The following FER1L6 variants were observed in gnomAD, a reference collection of about 807,000 sequenced individuals.
FER1L6 encodes the protein fer-1 like family member 6.
In FER1L6, 177 loss-of-function variants were observed where a neutral mutation model predicts 219.2. The ratio of observed to expected loss-of-function variants is 0.81; its 90% CI spans 0.71 to 0.91. The LOEUF (loss-of-function observed/expected upper bound fraction) is 0.91. Among genes scored for constraint, FER1L6 ranks in the 40% least tolerant of loss-of-function variants. The pLI is 0.00. For missense variants in FER1L6, 2,153 were observed against 2,259.9 expected (o/e 0.95, Z 0.96); for synonymous variants, 768 against 824.3 (o/e 0.93, Z 1.17).
At chr8:124,102,911 A>T (rs1339584516) in intron 38 of FER1L6, among the ~76,000 whole-genome samples, 3 of 152,206 alleles carry the variant, frequency 2.0e-5, no homozygotes. Context: ...AAGAGTTAAA[A>T]CAAGCTCTTC....
At chr8:124,072,183 G>T (rs1254583322) in intron 31 of FER1L6, among the ~76,000 whole-genome samples, 1 of 151,926 alleles carries the variant, frequency 6.6e-6, no homozygotes, top group Non-Finnish European at 1.5e-5. Flanking sequence ...CAGGAAAGAC[G>T]GGGGGAAGGA....
At chr8:123,910,212 A>G (rs1014154596) in intron 1 of FER1L6, among the ~76,000 whole-genome samples, 1 of 152,192 alleles carries the variant, frequency 6.6e-6, no homozygotes, top group Admixed American at 6.5e-5. Context: ...GTATGCCGTC[A>G]TGTGAAAAGA....
chr8:124,077,323 T>C (rs1821334384), intron 32 of FER1L6, among the ~76,000 whole-genome samples: 1 of 152,238 alleles, frequency 6.6e-6, no homozygotes, highest in Admixed American at 6.5e-5. Context: ...ATTGTAGCAA[T>C]GGATACATCT....
At chr8:123,995,612 A>G (rs1817095742) in intron 12 of FER1L6, among the ~76,000 whole-genome samples, 1 of 151,592 alleles carries the variant, frequency 6.6e-6, no homozygotes, top group African/African-American at 2.4e-5. Flanking sequence ...CAAAAAACCA[A>G]TTTTTCATTT....
chr8:123,879,887 A>G (rs550330447), intron 1 of FER1L6, among the ~76,000 whole-genome samples: 1 of 152,232 alleles, frequency 6.6e-6, no homozygotes, highest in East Asian at 1.9e-4. Context: ...CTGTTTGTCC[A>G]TTGGATGCTG....
intron 1 of FER1L6, among the ~76,000 whole-genome samples, chr8:123,883,598 C>T (rs553690378): frequency 3.9e-5 from 6 of 152,266 alleles, no homozygotes; most frequent in Admixed American, 1.3e-4. Context: ...GCTGCTATAA[C>T]AAAATGCTAC....
chr8:124,064,259 G>C (rs1027198698), intron 25 of FER1L6, 88 bp from the exon 26 acceptor site: 3 of 1,012,072 alleles, frequency 3.0e-6, no homozygotes, highest in African/African-American at 3.2e-5. Context: ...ATTTGAATCC[G>C]AATCTGTCTG....
rs79294584 is a variant in FER1L6 at position 123,944,875 on chromosome 8, G to T, written c.-7-11117G>T. On this transcript the variant is annotated intron_variant, in intron 1 of 40. Coordinates refer to ENST00000522917, the MANE Select transcript of FER1L6 (RefSeq NM_001039112.2). ...CCTGTAGGCACAGTTTATCTACTCA[G>T]GGTCTTGGCTCCATCCTTCTCCTTG... Among the ~76,000 whole-genome samples, 82 of 152,256 alleles carry T rather than the reference G, an allele frequency of 5.4e-4. 2 individuals carry two copies. In the East Asian group the frequency reaches 0.015, roughly 29 times the overall value.
intron 15 of FER1L6, among the ~76,000 whole-genome samples, chr8:124,015,607 A>ATATATG (rs1554632087): frequency 0.062 from 5,518 of 88,446 alleles, 436 homozygotes; most frequent in Non-Finnish European, 0.085. Context: ...ATATATATAT[A>ATATATG]TATATATATT....
intron 1 of FER1L6, among the ~76,000 whole-genome samples, chr8:123,882,298 A>G (rs1435121338): frequency 6.6e-6 from 1 of 152,190 alleles, no homozygotes; most frequent in Non-Finnish European, 1.5e-5. Context: ...GAGCAAACCT[A>G]CATGAAGCAC....
chr8:123,985,432 G>C (rs1188361627), intron 11 of FER1L6: 1 of 152,270 alleles, frequency 6.6e-6, no homozygotes, highest in Non-Finnish European at 1.5e-5. Context: ...ATTTGGGGAA[G>C]TAAAGTTTGA....
rs1430738493 is a variant in FER1L6 at position 124,015,954 on chromosome 8, C to G, written c.1923-1674C>G. ...AGCTCAACAGGGCTTCTCCCTCCAT[C>G]TCACCCTTGCCCCTCACCAGGAGAG... On this transcript the variant is annotated intron_variant, in intron 15 of 40. Coordinates refer to ENST00000522917, the MANE Select transcript of FER1L6 (RefSeq NM_001039112.2). 3 of 152,772 alleles carry G rather than the reference C, an allele frequency of 2.0e-5. No homozygotes were observed. In the East Asian group the frequency reaches 5.8e-4, roughly 29 times the overall value. The allele number at this position is 152,772 out of a possible 1,614,324, so 9.5% of individuals were successfully genotyped here.
At chr8:124,013,266 T>G (rs931252073) in intron 14 of FER1L6, among the ~76,000 whole-genome samples, 165 bp from the exon 15 acceptor site, 1 of 152,168 alleles carries the variant, frequency 6.6e-6, no homozygotes, top group Non-Finnish European at 1.5e-5. Flanking sequence ...AAAGTTAGAA[T>G]GCAGTAGCAT....
intron 1 of FER1L6, among the ~76,000 whole-genome samples, chr8:123,861,289 T>G (rs1816740611): frequency 7.7e-6 from 1 of 129,102 alleles, no homozygotes; most frequent in Non-Finnish European, 1.6e-5. Flanking sequence ...ATCAGATAGT[T>G]GTAGGTATGC....
intron 3 of FER1L6, among the ~76,000 whole-genome samples, chr8:123,964,784 T>G (rs1815461629): frequency 6.6e-6 from 1 of 152,226 alleles, no homozygotes; most frequent in Non-Finnish European, 1.5e-5. Context: ...ATCCAACCTC[T>G]GCAGTGAAAT....
intron 19 of FER1L6, among the ~76,000 whole-genome samples, chr8:124,037,653 A>T (rs1292924577): frequency 6.6e-6 from 1 of 152,150 alleles, no homozygotes; most frequent in African/African-American, 2.4e-5. Flanking sequence ...TGGGTCTGAT[A>T]TGGTTGCTGT....
intron 32 of FER1L6, among the ~76,000 whole-genome samples, chr8:124,077,537 G>T (rs1412551246): frequency 2.6e-5 from 4 of 152,198 alleles, no homozygotes; most frequent in Admixed American, 1.3e-4. Flanking sequence ...GAATGACAGT[G>T]CTGGGGAAAC....
At chr8:123,983,400 C>T (rs897015443) in intron 11 of FER1L6, among the ~76,000 whole-genome samples, 8 of 152,154 alleles carry the variant, frequency 5.3e-5, no homozygotes, top group Non-Finnish European at 1.0e-4. Context: ...CACTGACTAG[C>T]TTCTTATTTA....
intron 17 of FER1L6, 27 bp from the exon 18 acceptor site, chr8:124,023,417 C>A: frequency 6.2e-7 from 1 of 1,605,316 alleles, no homozygotes; most frequent in Non-Finnish European, 8.5e-7. Context: ...CATTCCTATT[C>A]AATCCCAACT....
Sources: allele counts gnomAD v4.1 joint callset (sites outside exome capture counted in the v4.1 genomes callset), GRCh38; gene constraint gnomAD v4.1.1; transcripts MANE v1.5; gene names NCBI Gene and HGNC (gene_info 2026-07-23, HGNC 2026-07-21).